The following RBM27 variants were observed in gnomAD, a reference collection of about 807,000 sequenced individuals.
RBM27 encodes RNA binding motif protein 27, also known as RNA-binding protein 27.
In RBM27, 22 loss-of-function variants were observed where a neutral mutation model predicts 135.3. The ratio of observed to expected loss-of-function variants is 0.16; its 90% CI spans 0.12 to 0.23. The LOEUF is 0.23. Ranked by LOEUF, RBM27 falls within the 10% of genes least tolerant of loss-of-function variation. The pLI is 1.00. For synonymous variants in RBM27, 481 were observed against 442.4 expected, an observed-to-expected ratio of 1.09 and a Z score of -1.10; for missense variants, 1,009 against 1,281.0, an observed-to-expected ratio of 0.79 and a Z score of 3.24.
chr5:146,211,464 C>CTTTTTTT lies in RBM27; in HGVS notation c.60-7497_60-7491dup, dbSNP rs57117642. ...CTTACTTTGTCCAGTATGGTCTTAT[C>CTTTTTTT]TTTTTTTTTTTTTTTTTTTTTTTTT... On this transcript the variant is annotated intron_variant, in intron 1 of 20. Transcript: ENST00000265271. Among the ~76,000 whole-genome samples the CTTTTTTT allele has an allele frequency of 2.7e-3, 135 of 49,944 alleles. 7 individuals are homozygous for CTTTTTTT. The highest frequency in any genetic ancestry group is 4.6e-3 in the South Asian group (4 of 874). 32.8% of individuals were successfully genotyped at this position (49,944 alleles called of 152,430 possible). A position where few individuals can be genotyped will look rare whatever the true frequency, so the allele number is the denominator to read the frequency against.
At position 146,205,628 on chromosome 5, in the gene RBM27, G is replaced by A. The variant is rs142942191; in HGVS notation, c.59+1804G>A. On this transcript the variant is annotated intron_variant, in intron 1 of 20. Transcript: ENST00000265271. Reference sequence around the variant, plus strand: ...CAATAAAGTTTTGGGCACAAAGATGGAAATGGTTTGTGGTGAAGGTGGGAA... The same window carrying A: ...CAATAAAGTTTTGGGCACAAAGATGAAAATGGTTTGTGGTGAAGGTGGGAA... Among the ~76,000 whole-genome samples the A allele has an allele frequency of 2.0e-5, 3 of 152,258 alleles. No individual in the cohort carries two copies. The East Asian group carries it at 5.8e-4, about 29-fold the overall frequency.
rs550857177 is a variant in RBM27, at chr5:146,280,283, C to T, written c.2989-4339C>T. Among the ~76,000 whole-genome samples the T allele has an allele frequency of 4.3e-4, 65 of 152,230 alleles. 1 individual carries two copies. Among genetic ancestry groups the T allele is most frequent in the African/African-American group, 1.6e-3 (65 of 41,538 alleles). On this transcript the variant is annotated intron_variant, in intron 19 of 20. Transcript: ENST00000265271. The stretch of plus-strand genomic sequence containing the variant: ...ATGTTGGCCAGCTGGTCTCAAACTC[C>T]TGAACTCAGGTGATCTACCTGCCTC...
At chr5:146,222,724 G>C (rs572623419) in intron 2 of RBM27, among the ~76,000 whole-genome samples, 1 of 152,058 alleles carries the variant, frequency 6.6e-6, no homozygotes, top group Non-Finnish European at 1.5e-5. Context: ...AATATTTGAC[G>C]TTAATACTTT....
rs767824238 is a variant in RBM27, at chr5:146,267,769, G to GT, written c.2451+2dup. On this transcript the variant is annotated splice_donor_variant, in intron 15 of 20. Transcript: ENST00000265271. LOFTEE classifies it high-confidence loss of function. ...TCAAGAAGTGCTTAAAAAAAAACAG[G>GT]TAACAGTCTTGATTCTTCTTGCCTT... 1 of 1,599,320 alleles carries GT rather than the reference G, an allele frequency of 6.3e-7. No individual in the cohort carries two copies. The highest frequency in any genetic ancestry group is 8.5e-7 in the Non-Finnish European group (1 of 1,175,774).
chr5:146,205,699 A>G (rs549125222), intron 1 of RBM27, among the ~76,000 whole-genome samples: 5 of 152,276 alleles, frequency 3.3e-5, no homozygotes, highest in Non-Finnish European at 5.9e-5. Flanking sequence ...AAAAGGTTGA[A>G]AAAAGAAAAA....
At position 146,288,849 on chromosome 5, in the gene RBM27, G is replaced by A. The variant is rs994451897; in HGVS notation, c.*2819G>A. The A allele has an allele frequency of 2.0e-5, 3 of 152,002 alleles. No individual in the cohort carries two copies. Among genetic ancestry groups the A allele is most frequent in the African/African-American group, 4.8e-5 (2 of 41,416 alleles). The allele number at this position is 152,002 out of a possible 1,614,324, so 9.4% of individuals were successfully genotyped here. The stretch of plus-strand genomic sequence containing the variant: ...AGATGATAAATTGGAAAACAGTCTT[G>A]TTAAGGTGAAAGGGGTCCTTGGTGA... On this transcript the variant is annotated 3_prime_UTR_variant, in exon 21 of 21. Transcript: ENST00000265271.
intron 19 of RBM27, among the ~76,000 whole-genome samples, chr5:146,279,731 C>G (rs1759249976): frequency 6.7e-6 from 1 of 150,096 alleles, no homozygotes; most frequent in African/African-American, 2.5e-5. Flanking sequence ...TTGCTTGAGC[C>G]CAGGAGGTGG....
intron 2 of RBM27, among the ~76,000 whole-genome samples, chr5:146,221,949 A>G (rs960013921): frequency 6.6e-6 from 1 of 152,082 alleles, no homozygotes; most frequent in African/African-American, 2.4e-5. Context: ...ATTTATTTTT[A>G]ATTTTTCCCA....
At chr5:146,258,009 G>A (rs370603279) in intron 10 of RBM27, among the ~76,000 whole-genome samples, 2 of 152,008 alleles carry the variant, frequency 1.3e-5, no homozygotes, top group African/African-American at 2.4e-5. Context: ...AGTAGAGATG[G>A]GGTTTCCCCA....
At chr5:146,230,503 G>A (rs1026532617) in intron 5 of RBM27, among the ~76,000 whole-genome samples, 154 bp from the exon 6 acceptor site, 1 of 152,110 alleles carries the variant, frequency 6.6e-6, no homozygotes, top group Non-Finnish European at 1.5e-5. Context: ...CCTGCTTTTA[G>A]GATATATTAA....
At chr5:146,216,020 T>C (rs776447141) in intron 1 of RBM27, among the ~76,000 whole-genome samples, 30 of 152,182 alleles carry the variant, frequency 2.0e-4, no homozygotes, top group Non-Finnish European at 3.2e-4. Context: ...AGTGCTGGGA[T>C]TGCAGGCGTG....
rs1295778349 is a variant in RBM27 at position 146,251,611 on chromosome 5, A to G, written c.1280-100A>G. ...CTGTACTTCTATTCCTGTTGGTTTAATTTCTCTGTTTTTGGCTCAAAGTCT... is the reference window on the plus strand; with the variant it reads ...CTGTACTTCTATTCCTGTTGGTTTAGTTTCTCTGTTTTTGGCTCAAAGTCT... On this transcript the variant is annotated intron_variant, in intron 8 of 20. Transcript: ENST00000265271. 2.4e-5 allele frequency: 28 copies of G among 1,179,500 alleles called. No individual in the cohort carries two copies. The South Asian group carries it at 3.1e-4, about 13-fold the overall frequency. The allele number at this position is 1,179,500 out of a possible 1,614,324, so 73.1% of individuals were successfully genotyped here.
intron 19 of RBM27, among the ~76,000 whole-genome samples, chr5:146,279,664 T>C (rs1304480437): frequency 6.6e-6 from 1 of 151,282 alleles, no homozygotes; most frequent in Non-Finnish European, 1.5e-5. Flanking sequence ...AAAAATTAGC[T>C]AGCTGTGGTG....
chr5:146,261,942 T>A, intron 13 of RBM27, 136 bp downstream of exon 13: 2 of 865,118 alleles, frequency 2.3e-6, no homozygotes, highest in Non-Finnish European at 3.5e-6. Flanking sequence ...TCTGATCTCC[T>A]GGGATCTTAT....
chr5:146,203,845 C>T (rs368505243), intron 1 of RBM27, 21 bp downstream of exon 1: 8 of 1,026,654 alleles, frequency 7.8e-6, no homozygotes, highest in East Asian at 1.0e-4. Flanking sequence ...CGGGCTGGGC[C>T]GGGGCCGGCG....
In RBM27 at chr5:146,261,759, C is replaced by T. The variant is rs1179555653; in HGVS notation, c.2143C>T (p.Leu715=). The T allele has an allele frequency of 5.0e-6, 8 of 1,614,096 alleles. No individual in the cohort carries two copies. The highest frequency in any genetic ancestry group is 6.8e-6 in the Non-Finnish European group (8 of 1,180,034). The change falls in exon 13 of 21, where the codon CTA becomes TTA. Residue 715 remains leucine, a synonymous_variant. Transcript: ENST00000265271. ...ACAGCATCTACATCAGCAGCAGGTG[C>T]TAGTGGCCCAGTCTGCTCCTTCAAC... The part of the protein sequence containing the change: ...LPQHLHQQQV[L]VAQSAPSTVH...
intron 14 of RBM27, 121 bp downstream of exon 14, chr5:146,263,752 C>A: frequency 8.7e-7 from 1 of 1,147,844 alleles, no homozygotes; most frequent in Non-Finnish European, 1.2e-6. Flanking sequence ...GGCAGGTATA[C>A]CTCTCTAGTT....
intron 13 of RBM27, among the ~76,000 whole-genome samples, chr5:146,262,636 C>A (rs570667639): frequency 2.6e-5 from 4 of 152,342 alleles, no homozygotes; most frequent in African/African-American, 9.6e-5. Context: ...TCATCCTGCT[C>A]ATTTGCATCT....
At chr5:146,261,454 AATTT>A (rs1175048844) in intron 12 of RBM27, 52 bp from the exon 13 acceptor site, 19 of 1,454,222 alleles carry the variant, frequency 1.3e-5, no homozygotes, top group Non-Finnish European at 1.7e-5. Context: ...AGTGGGTCAT[AATTT>A]ATTTAACTAT....
Sources: allele counts gnomAD v4.1 joint callset (sites outside exome capture counted in the v4.1 genomes callset), GRCh38; gene constraint gnomAD v4.1.1; transcripts MANE v1.5; gene names NCBI Gene and HGNC (gene_info 2026-07-23, HGNC 2026-07-21).